RBFOX1: variants seen among roughly 807,000 people sequenced by gnomAD.
RBFOX1 encodes the protein RNA binding fox-1 homolog 1.
A neutral mutation model predicts 57.7 loss-of-function variants in RBFOX1; 8 were observed. The ratio of observed to expected loss-of-function variants is 0.14; its 90% CI spans 0.08 to 0.25. The LOEUF is 0.25. RBFOX1 is among the 10% of genes least tolerant of loss of function. The pLI is 1.00. For synonymous variants in RBFOX1, 326 were observed against 222.4 expected, an observed-to-expected ratio of 1.47 and a Z score of -4.15; for missense variants, 611 against 548.5, an observed-to-expected ratio of 1.11 and a Z score of -1.14.
At chr16:7,006,609 C>G (rs1319214384) in intron 3 of RBFOX1, among the ~76,000 whole-genome samples, 5 of 152,068 alleles carry the variant, frequency 3.3e-5, no homozygotes, top group Admixed American at 3.3e-4. Context: ...ACCACCACAC[C>G]TGGCTTGGTT....
chr16:7,333,174 A>C lies in RBFOX1; in HGVS notation c.28-184973A>C, dbSNP rs541687851. On this transcript the variant is annotated intron_variant, in intron 4 of 15. Coordinates refer to ENST00000550418, the MANE Select transcript of RBFOX1 (RefSeq NM_018723.4). ...AATTTTTATGGTTGAGAAAGCAAACACTTTTAATACAGGAAAAAGCCCTCG... is the reference window on the plus strand; with the variant it reads ...AATTTTTATGGTTGAGAAAGCAAACCCTTTTAATACAGGAAAAAGCCCTCG... 14 of 1,287,148 alleles carry C rather than the reference A, an allele frequency of 1.1e-5. No homozygotes were observed. The Admixed American group carries it at 1.4e-4, about 13-fold the overall frequency. The allele number at this position is 1,287,148 out of a possible 1,614,324, so 79.7% of individuals were successfully genotyped here. A position where few individuals can be genotyped will look rare whatever the true frequency, so the allele number is the denominator to read the frequency against.
Position 6,902,776 on chromosome 16 carries a change from CTCA to C in RBFOX1, c.-15-149276_-15-149274del, listed in dbSNP as rs1414968048. ...ATCAAGTTTTAAAGGAACCCTTCAA[CTCA>C]TCATGTCATCAGAACCAAATAAAGC... On this transcript the variant is annotated intron_variant, in intron 3 of 15. Coordinates refer to ENST00000550418, the MANE Select transcript of RBFOX1 (RefSeq NM_018723.4). Among the ~76,000 whole-genome samples, 10 of 152,246 alleles carry C rather than the reference CTCA, an allele frequency of 6.6e-5. No homozygotes were observed. In the South Asian group the frequency reaches 1.5e-3, roughly 22 times the overall value.
intron 1 of RBFOX1, among the ~76,000 whole-genome samples, chr16:6,089,171 G>A (rs982350304): frequency 8.6e-5 from 13 of 151,954 alleles, no homozygotes; most frequent in Non-Finnish European, 1.6e-4. Flanking sequence ...AAGATGCTGC[G>A]AGAATTGCTA....
intron 4 of RBFOX1, among the ~76,000 whole-genome samples, chr16:7,432,284 C>A (rs1017129403): frequency 6.6e-6 from 1 of 152,160 alleles, no homozygotes; most frequent in African/African-American, 2.4e-5. Flanking sequence ...GAGAAGTGAA[C>A]TTTGGGATTT....
chr16:6,738,203 C>T (rs375170551), intron 3 of RBFOX1, among the ~76,000 whole-genome samples: 13 of 152,174 alleles, frequency 8.5e-5, no homozygotes, highest in African/African-American at 3.1e-4. Context: ...TTGCATAACA[C>T]TGTACATCAA....
intron 3 of RBFOX1, among the ~76,000 whole-genome samples, chr16:6,974,347 T>G (rs1365866731): frequency 7.1e-6 from 1 of 140,240 alleles, no homozygotes; most frequent in Non-Finnish European, 1.5e-5. Context: ...TTTTTTTTTT[T>G]TTTTTTTTTT....
intron 3 of RBFOX1, among the ~76,000 whole-genome samples, chr16:5,611,563 A>T (rs919684727): frequency 6.6e-6 from 1 of 152,010 alleles, no homozygotes; most frequent in Non-Finnish European, 1.5e-5. Context: ...ACTTCTTTCA[A>T]CTGATAAAAA....
At chr16:7,157,188 A>G (rs1423492474) in intron 4 of RBFOX1, among the ~76,000 whole-genome samples, 3 of 152,208 alleles carry the variant, frequency 2.0e-5, no homozygotes, top group African/African-American at 7.2e-5. Flanking sequence ...CAGCCTTAGA[A>G]TTGCAGGCTG....
intron 3 of RBFOX1, among the ~76,000 whole-genome samples, chr16:6,700,523 T>G (rs2061667508): frequency 6.6e-6 from 1 of 151,742 alleles, no homozygotes; most frequent in African/African-American, 2.4e-5. Flanking sequence ...CTGGGTGAGG[T>G]GGTGGGTGCC....
At chr16:5,886,616 G>C (rs939192151) in intron 4 of RBFOX1, among the ~76,000 whole-genome samples, 8 of 152,210 alleles carry the variant, frequency 5.3e-5, no homozygotes, top group Non-Finnish European at 1.2e-4. Flanking sequence ...GGCTGGGCGC[G>C]GTGGCTCACG....
intron 3 of RBFOX1, among the ~76,000 whole-genome samples, chr16:6,888,120 C>T (rs2064554259): frequency 6.6e-6 from 1 of 152,032 alleles, no homozygotes; most frequent in Non-Finnish European, 1.5e-5. Context: ...AATTATTTCC[C>T]TGGAGGACAG....
intron 1 of RBFOX1, among the ~76,000 whole-genome samples, chr16:5,398,687 G>T (rs1179651300): frequency 6.6e-6 from 1 of 152,086 alleles, no homozygotes; most frequent in Non-Finnish European, 1.5e-5. Flanking sequence ...GTTGACAGTG[G>T]GGGAGGAAGG....
intron 2 of RBFOX1, among the ~76,000 whole-genome samples, chr16:6,519,993 T>G (rs923408690): frequency 3.9e-5 from 6 of 152,264 alleles, no homozygotes; most frequent in Admixed American, 6.5e-5. Flanking sequence ...CAGTCTGTCT[T>G]CCTTCCTGGG....
At chr16:6,639,631 C>G (rs551663615) in intron 2 of RBFOX1, among the ~76,000 whole-genome samples, 2 of 152,294 alleles carry the variant, frequency 1.3e-5, no homozygotes, top group East Asian at 1.9e-4. Flanking sequence ...AATCCCAGCA[C>G]TTTGGGAGGC....
chr16:6,441,792 C>A (rs752961459), intron 2 of RBFOX1, among the ~76,000 whole-genome samples: 1 of 152,168 alleles, frequency 6.6e-6, no homozygotes, highest in Non-Finnish European at 1.5e-5. Context: ...CGTCTCACAG[C>A]TTTAGCCCTT....
intron 1 of RBFOX1, among the ~76,000 whole-genome samples, chr16:6,215,246 G>A (rs1279577318): frequency 3.2e-5 from 4 of 126,902 alleles, no homozygotes; most frequent in African/African-American, 9.1e-5. Flanking sequence ...GAAGGAGAGG[G>A]AAGGGAGAGA....
intron 2 of RBFOX1, among the ~76,000 whole-genome samples, chr16:5,581,578 G>T (rs780017823): frequency 6.6e-5 from 10 of 152,210 alleles, no homozygotes; most frequent in Admixed American, 2.0e-4. Context: ...TGTTACAGGA[G>T]TCTCATGGTT....
intron 1 of RBFOX1, among the ~76,000 whole-genome samples, chr16:6,207,312 T>C (rs1567678318): frequency 6.6e-6 from 1 of 152,222 alleles, no homozygotes; most frequent in Non-Finnish European, 1.5e-5. Flanking sequence ...TAATGCAATC[T>C]ATAGAAAGCC....
intron 3 of RBFOX1, among the ~76,000 whole-genome samples, chr16:5,772,311 G>C (rs2054007128): frequency 6.6e-6 from 1 of 151,972 alleles, no homozygotes; most frequent in Admixed American, 6.5e-5. Context: ...CCTCCATGTA[G>C]AGTCTGTACG....
Sources: gnomAD v4.1 joint callset for allele counts (sites outside exome capture counted in the v4.1 genomes callset) on GRCh38, gnomAD v4.1.1 for gene constraint, MANE v1.5 for transcripts, NCBI Gene and HGNC (gene_info 2026-07-23, HGNC 2026-07-21) for gene names.